CYTH1: variants seen among roughly 807,000 people sequenced by gnomAD.
The protein encoded by CYTH1 is cytohesin-1.
In CYTH1, 18 loss-of-function variants were observed where a neutral mutation model predicts 61.8. The ratio of observed to expected loss-of-function variants is 0.29; its 90% CI spans 0.20 to 0.43. CYTH1 has a LOEUF of 0.43. Among genes scored for constraint, CYTH1 ranks in the 20% least tolerant of loss-of-function variants. The pLI is 1.00. For synonymous variants in CYTH1, 174 were observed against 184.3 expected, an observed-to-expected ratio of 0.94 and a Z score of 0.45; for missense variants, 336 against 510.5, an observed-to-expected ratio of 0.66 and a Z score of 3.29.
chr17:78,738,373 T>C (rs2093329461), intron 1 of CYTH1, among the ~76,000 whole-genome samples: 1 of 152,212 alleles, frequency 6.6e-6, no homozygotes, highest in South Asian at 2.1e-4. Context: ...CACCCTGCTC[T>C]CTGCTGGACT....
intron 1 of CYTH1, among the ~76,000 whole-genome samples, chr17:78,728,535 C>T (rs1002454753): frequency 1.2e-4 from 18 of 149,494 alleles, no homozygotes; most frequent in African/African-American, 3.7e-4. Context: ...GTAATGAGAG[C>T]GAAACTCCAT....
chr17:78,698,146 CGCGCACA>C (rs780783177), intron 9 of CYTH1, 116 bp downstream of exon 9: 29 of 810,084 alleles, frequency 3.6e-5, no homozygotes, highest in Non-Finnish European at 5.7e-5. Flanking sequence ...CACACACGCA[CGCGCACA>C]CATGCACACG....
At chr17:78,740,331 C>T (rs548425329) in intron 1 of CYTH1, among the ~76,000 whole-genome samples, 1 of 152,338 alleles carries the variant, frequency 6.6e-6, no homozygotes, top group Admixed American at 6.5e-5. Context: ...TTCCACCCAC[C>T]CATGGCCTCA....
intron 3 of CYTH1, among the ~76,000 whole-genome samples, chr17:78,706,590 T>C (rs1215970235): frequency 1.3e-5 from 2 of 152,254 alleles, no homozygotes; most frequent in African/African-American, 4.8e-5. Context: ...ATGCTATAGA[T>C]ATTCTTGTAC....
At chr17:78,702,400 G>A (rs929831090) in intron 4 of CYTH1, 138 bp downstream of exon 4, 1 of 1,040,598 alleles carries the variant, frequency 9.6e-7, no homozygotes, top group Non-Finnish European at 1.4e-6. Flanking sequence ...TAGGAACAAG[G>A]GCTTAGTGCA....
intron 1 of CYTH1, among the ~76,000 whole-genome samples, chr17:78,713,215 C>T (rs191148549): frequency 5.9e-5 from 9 of 152,036 alleles, no homozygotes; most frequent in African/African-American, 1.9e-4. Flanking sequence ...TCTACAGAAA[C>T]GCATGTTTAA....
chr17:78,750,643 G>A (rs1393965598), intron 1 of CYTH1, among the ~76,000 whole-genome samples: 2 of 151,742 alleles, frequency 1.3e-5, no homozygotes, highest in Non-Finnish European at 2.9e-5. Context: ...CCATCTCTAT[G>A]AAAAATACAA....
At position 78,730,826 on chromosome 17, in the gene CYTH1, G is replaced by A. The variant is rs764364870; in HGVS notation, c.23-21094C>T. Among the ~76,000 whole-genome samples the A allele has an allele frequency of 8.6e-5, 13 of 151,648 alleles. 1 individual carries two copies. The highest frequency in any genetic ancestry group is 2.7e-4 in the African/African-American group (11 of 41,300). ...ACTACAGGCGCCCGCCACCACGCCC[G>A]GCTAATTTTTTGTATTTTTAGTAGA... On this transcript the variant is annotated intron_variant, in intron 1 of 13. Transcript: ENST00000446868.
chr17:78,726,042 C>CTTTTTT (rs1159169142), intron 1 of CYTH1, among the ~76,000 whole-genome samples: 1 of 130,760 alleles, frequency 7.6e-6, no homozygotes, highest in African/African-American at 3.0e-5. Flanking sequence ...ATTCAACAGT[C>CTTTTTT]TTTTTTTTTT....
intron 1 of CYTH1, among the ~76,000 whole-genome samples, chr17:78,714,249 C>T (rs548686510): frequency 1.3e-5 from 2 of 152,112 alleles, no homozygotes; most frequent in East Asian, 1.9e-4. Context: ...AAGATGGCAA[C>T]GTTGCACTCC....
chr17:78,757,028 G>A (rs1381851005), intron 1 of CYTH1, among the ~76,000 whole-genome samples: 6 of 129,038 alleles, frequency 4.6e-5, no homozygotes, highest in African/African-American at 6.0e-5. Context: ...TCGCTCTGTC[G>A]CCCAGGCTTC....
At position 78,700,458 on chromosome 17, in the gene CYTH1, A is replaced by G; in HGVS notation, c.438-15T>C. ...ACAGGAACTGCCTGAGTGGGTAAAG[A>G]CAGAGTGTTCCAGAACTTGGGGAGG... On this transcript the variant is annotated splice_polypyrimidine_tract_variant and intron_variant, in intron 6 of 13. Coordinates refer to ENST00000446868, the MANE Select transcript of CYTH1 (RefSeq NM_004762.6). The surrounding 1 kb of genome is among the most constrained non-coding windows in gnomAD (Gnocchi z 5.1). 6.3e-7 allele frequency: 1 copy of G among 1,597,496 alleles called. No homozygotes were observed. Among genetic ancestry groups the G allele is most frequent in the Non-Finnish European group, 8.5e-7 (1 of 1,172,186 alleles).
intron 1 of CYTH1, among the ~76,000 whole-genome samples, chr17:78,781,027 AAATAAAAT>A (rs2093515007): frequency 6.6e-6 from 1 of 151,506 alleles, no homozygotes; most frequent in Non-Finnish European, 1.5e-5. Context: ...AAATAAAATA[AAATAAAAT>A]AATAAAATAA....
rs1296615047 is a variant in CYTH1, at chr17:78,690,728, T to G, written c.891+1689A>C. Among the ~76,000 whole-genome samples the G allele has an allele frequency of 2.0e-5, 3 of 152,116 alleles. No individual in the cohort carries two copies. The East Asian group carries it at 5.8e-4, about 29-fold the overall frequency. On this transcript the variant is annotated intron_variant, in intron 11 of 13. Transcript: ENST00000446868. ...AAAAAAAAGTATTTTTCTCTGTATT[T>G]CCATTGCTTGATAAAATGCTACACT...
At chr17:78,755,491 T>TGAAAAA (rs1555614472) in intron 1 of CYTH1, among the ~76,000 whole-genome samples, 1 of 129,846 alleles carries the variant, frequency 7.7e-6, no homozygotes, top group Non-Finnish European at 1.6e-5. Context: ...TGGGTTTATT[T>TGAAAAA]AAAAAAAAAA....
At position 78,782,206 on chromosome 17, in the gene CYTH1, G is replaced by A; in HGVS notation, c.18C>T (p.Ser6=). MEEDD[S]YVPSDLTAEE... ...CCGCCGCCGGGGCGCACTGACCGTAGCTGTCGTCCTCCTCCATGGTGCGGG... is the reference window on the plus strand; with the variant it reads ...CCGCCGCCGGGGCGCACTGACCGTAACTGTCGTCCTCCTCCATGGTGCGGG... The change falls in exon 1 of 14, where the codon AGC becomes AGT. Residue 6 remains serine, a synonymous_variant. Coordinates refer to ENST00000446868, the MANE Select transcript of CYTH1 (RefSeq NM_004762.6). 1 of 1,370,928 alleles carries A rather than the reference G, an allele frequency of 7.3e-7. No individual in the cohort carries two copies. 84.9% of individuals were successfully genotyped at this position (1,370,928 alleles called of 1,614,324 possible).
intron 1 of CYTH1, among the ~76,000 whole-genome samples, chr17:78,737,140 T>G (rs1259919724): frequency 6.6e-6 from 1 of 152,208 alleles, no homozygotes; most frequent in African/African-American, 2.4e-5. Context: ...CAAGTACAGT[T>G]GTCCCTTGGT....
intron 9 of CYTH1, 121 bp downstream of exon 9, chr17:78,698,148 C>CGT (rs2092962841): frequency 2.4e-6 from 2 of 822,026 alleles, no homozygotes; most frequent in Non-Finnish European, 4.1e-6. Flanking sequence ...CACACGCACG[C>CGT]GCACACATGC....
intron 2 of CYTH1, among the ~76,000 whole-genome samples, chr17:78,708,563 C>T (rs1408356957): frequency 6.6e-6 from 1 of 152,222 alleles, no homozygotes; most frequent in Non-Finnish European, 1.5e-5. Flanking sequence ...CAAAACCTGG[C>T]TGCCTCATCA....
Sources: gnomAD v4.1 joint callset for allele counts (sites outside exome capture counted in the v4.1 genomes callset) on GRCh38, gnomAD v4.1.1 for gene constraint, Gnocchi (gnomAD v3.1) non-coding constraint, MANE v1.5 for transcripts, NCBI Gene and HGNC (gene_info 2026-07-23, HGNC 2026-07-21) for gene names.